NCKAP1: variants seen among roughly 807,000 people sequenced by gnomAD.
NCKAP1 encodes the protein NCK associated protein 1.
NCKAP1 carries 21 observed loss-of-function variants against 151.2 expected under a neutral mutation model. That is an observed-to-expected ratio of 0.14 (90% CI 0.10 to 0.20). The LOEUF (loss-of-function observed/expected upper bound fraction) is 0.20, where lower values mean the gene tolerates loss of function less well. Among genes scored for constraint, NCKAP1 ranks in the 10% least tolerant of loss-of-function variants. The pLI is 1.00. For missense variants in NCKAP1, 933 were observed against 1,352.1 expected, an observed-to-expected ratio of 0.69 and a Z score of 4.86; for synonymous variants, 484 against 451.8, an observed-to-expected ratio of 1.07 and a Z score of -0.90.
chr2:182,942,295 T>C lies in NCKAP1; in HGVS notation c.2602-132A>G, dbSNP rs879160869. 6 of 557,398 alleles carry C rather than the reference T, an allele frequency of 1.1e-5. No individual in the cohort carries two copies. The South Asian group carries it at 1.4e-4, about 13-fold the overall frequency. The allele number at this position is 557,398 out of a possible 1,614,324, so 34.5% of individuals were successfully genotyped here. The stretch of plus-strand genomic sequence containing the variant: ...AAATCCAGACGCTCTATGCTACATA[T>C]ATTTTTTTGTTGTTTCAATAAAAGC... On this transcript the variant is annotated intron_variant, in intron 23 of 30. Transcript: ENST00000361354.
At chr2:182,935,554 T>C in intron 24 of NCKAP1, 179 bp from the exon 25 acceptor site, 1 of 447,744 alleles carries the variant, frequency 2.2e-6, no homozygotes, top group Non-Finnish European at 3.9e-6. Flanking sequence ...AGCTGATATT[T>C]AAACTGGTTA....
intron 1 of NCKAP1, among the ~76,000 whole-genome samples, chr2:183,034,835 G>A (rs776832217): frequency 1.3e-5 from 2 of 152,030 alleles, no homozygotes; most frequent in Non-Finnish European, 2.9e-5. Context: ...AGATAGAGCT[G>A]GAATAGACTT....
At chr2:182,940,461 TA>T (rs1380594267) in intron 24 of NCKAP1, among the ~76,000 whole-genome samples, 66 of 152,086 alleles carry the variant, frequency 4.3e-4, no homozygotes, top group African/African-American at 1.5e-3. Context: ...TTCTTTGAAA[TA>T]GAGTTTTGCT....
At chr2:182,930,646 C>A in intron 27 of NCKAP1, 49 bp downstream of exon 27, 1 of 1,417,072 alleles carries the variant, frequency 7.1e-7, no homozygotes, top group Non-Finnish European at 1.0e-6. Flanking sequence ...ACCTATGCTG[C>A]CCTGGTAACT....
intron 1 of NCKAP1, chr2:183,025,043 G>A (rs977860390): frequency 6.3e-7 from 1 of 1,576,792 alleles, no homozygotes; most frequent in Admixed American, 1.7e-5. Flanking sequence ...TGTAAACAAT[G>A]ATTGTCAAAC....
At chr2:183,015,883 A>T (rs527431126) in intron 2 of NCKAP1, among the ~76,000 whole-genome samples, 1 of 152,094 alleles carries the variant, frequency 6.6e-6, no homozygotes, top group Admixed American at 6.5e-5. Flanking sequence ...GGATATAAAA[A>T]AAAAAAACTA....
intron 15 of NCKAP1, among the ~76,000 whole-genome samples, chr2:182,970,792 AG>A (rs765463456): frequency 1.3e-5 from 2 of 152,208 alleles, no homozygotes; most frequent in East Asian, 3.9e-4. Context: ...CATAAATAAA[AG>A]GCATGCAAAC....
intron 23 of NCKAP1, among the ~76,000 whole-genome samples, chr2:182,951,087 C>T (rs1417930076): frequency 6.6e-6 from 1 of 151,868 alleles, no homozygotes; most frequent in Non-Finnish European, 1.5e-5. Flanking sequence ...CCACCTCGGC[C>T]TCCCAAAGTG....
chr2:182,972,925 G>A (rs1161243235), intron 15 of NCKAP1, among the ~76,000 whole-genome samples: 1 of 152,078 alleles, frequency 6.6e-6, no homozygotes, highest in East Asian at 1.9e-4. Context: ...GAATAAAGAA[G>A]GATTGGTTAA....
intron 21 of NCKAP1, 41 bp downstream of exon 21, chr2:182,953,072 C>T: frequency 6.5e-7 from 1 of 1,545,698 alleles, no homozygotes; most frequent in Non-Finnish European, 8.8e-7. Context: ...TACTTCATTA[C>T]AAATTTTCCG....
chr2:182,944,605 A>G (rs1697062670), intron 23 of NCKAP1, among the ~76,000 whole-genome samples: 1 of 152,204 alleles, frequency 6.6e-6, no homozygotes, highest in Non-Finnish European at 1.5e-5. Flanking sequence ...TATGTCTGAC[A>G]CACAATTTAT....
chr2:182,998,122 C>T (rs1698305511), intron 6 of NCKAP1, among the ~76,000 whole-genome samples: 1 of 152,120 alleles, frequency 6.6e-6, no homozygotes, highest in Non-Finnish European at 1.5e-5. Context: ...CGATAAAATC[C>T]AATATCCCTT....
intron 26 of NCKAP1, among the ~76,000 whole-genome samples, chr2:182,933,351 G>A (rs1245383604): frequency 6.6e-6 from 1 of 150,598 alleles, no homozygotes; most frequent in East Asian, 1.9e-4. Context: ...AGAAAGAAGT[G>A]GCAGAAGATA....
chr2:182,951,038 G>T (rs1697204217), intron 23 of NCKAP1, among the ~76,000 whole-genome samples: 1 of 151,896 alleles, frequency 6.6e-6, no homozygotes, highest in South Asian at 2.1e-4. Context: ...TCACCATGTT[G>T]GCCAGGCTGG....
At chr2:182,991,021 TA>T (rs1393814402) in intron 8 of NCKAP1, among the ~76,000 whole-genome samples, 1 of 152,202 alleles carries the variant, frequency 6.6e-6, no homozygotes, top group Non-Finnish European at 1.5e-5. Flanking sequence ...AAATTTTGTT[TA>T]TAAAACATTA....
intron 18 of NCKAP1, among the ~76,000 whole-genome samples, chr2:182,961,550 A>T (rs1243117612): frequency 6.6e-6 from 1 of 152,092 alleles, no homozygotes; most frequent in Non-Finnish European, 1.5e-5. Flanking sequence ...GGACACAGGA[A>T]GGGGAACATC....
At chr2:182,929,374 T>C (rs1696713354) in intron 27 of NCKAP1, among the ~76,000 whole-genome samples, 4 of 151,992 alleles carry the variant, frequency 2.6e-5, no homozygotes, top group African/African-American at 4.8e-5. Flanking sequence ...ATTTACTATT[T>C]AAAAGACATA....
intron 15 of NCKAP1, among the ~76,000 whole-genome samples, chr2:182,967,796 A>G (rs1326855142): frequency 1.3e-5 from 2 of 152,236 alleles, no homozygotes; most frequent in Non-Finnish European, 2.9e-5. Context: ...AAACTGGATC[A>G]TATAATACAC....
At chr2:183,020,952 C>A (rs1400242915) in intron 2 of NCKAP1, among the ~76,000 whole-genome samples, 1 of 151,862 alleles carries the variant, frequency 6.6e-6, no homozygotes, top group African/African-American at 2.4e-5. Flanking sequence ...AGTACTTCAG[C>A]AGGTAAAAAA....
Sources: allele counts gnomAD v4.1 joint callset (sites outside exome capture counted in the v4.1 genomes callset), GRCh38; gene constraint gnomAD v4.1.1; transcripts MANE v1.5; gene names NCBI Gene and HGNC (gene_info 2026-07-23, HGNC 2026-07-21).